Variants in CAMK4 observed in about 807,000 individuals in gnomAD.
CAMK4 encodes calcium/calmodulin dependent protein kinase IV.
In CAMK4, 22 loss-of-function variants were observed where a neutral mutation model predicts 44.9. That is an observed-to-expected ratio of 0.49 (90% CI 0.35 to 0.70). The LOEUF is 0.70. Among genes scored for constraint, CAMK4 ranks in the 30% least tolerant of loss-of-function variants. CAMK4 has a pLI of 0.01. For missense variants in CAMK4, 498 were observed against 586.8 expected (o/e 0.85, Z 1.56); for synonymous variants, 218 against 215.4 (o/e 1.01, Z -0.11).
At chr5:111,453,305 G>A (rs955025038) in intron 7 of CAMK4, among the ~76,000 whole-genome samples, 1 of 152,152 alleles carries the variant, frequency 6.6e-6, no homozygotes, top group Non-Finnish European at 1.5e-5. Flanking sequence ...AATATCTAGG[G>A]TTTTGAATTA....
chr5:111,423,601 T>A (rs1753108659), intron 5 of CAMK4, among the ~76,000 whole-genome samples: 1 of 152,266 alleles, frequency 6.6e-6, no homozygotes, highest in Non-Finnish European at 1.5e-5. Flanking sequence ...CAAGATTTAA[T>A]GGCTCTCGAT....
intron 7 of CAMK4, among the ~76,000 whole-genome samples, chr5:111,456,180 T>C (rs1754406031): frequency 6.6e-6 from 1 of 152,070 alleles, no homozygotes. Flanking sequence ...CACAGTTCTT[T>C]AGTTTAGAAA....
intron 1 of CAMK4, among the ~76,000 whole-genome samples, chr5:111,247,244 C>A (rs1295827978): frequency 2.0e-5 from 3 of 150,080 alleles, no homozygotes; most frequent in Admixed American, 2.0e-4. Flanking sequence ...AAATTACATA[C>A]ACACACATTG....
At chr5:111,309,956 A>G (rs1380089861) in intron 1 of CAMK4, among the ~76,000 whole-genome samples, 5 of 152,184 alleles carry the variant, frequency 3.3e-5, no homozygotes, top group South Asian at 2.1e-4. Flanking sequence ...ATGCTTCAGA[A>G]TAGATAAATA....
At chr5:111,435,540 A>G (rs552637342) in intron 5 of CAMK4, among the ~76,000 whole-genome samples, 122 of 152,144 alleles carry the variant, frequency 8.0e-4, no homozygotes, top group Non-Finnish European at 1.6e-3. Flanking sequence ...TCTCTGGACA[A>G]TGCAAACAGT....
chr5:111,242,769 C>G (rs1312427033), intron 1 of CAMK4, among the ~76,000 whole-genome samples: 2 of 152,188 alleles, frequency 1.3e-5, no homozygotes, highest in African/African-American at 2.4e-5. Flanking sequence ...CAGGATGTGT[C>G]ATGCTGTCCT....
In CAMK4 at chr5:111,387,766, C is replaced by G. The variant is rs11954737; in HGVS notation, c.387-6944C>G. On this transcript the variant is annotated intron_variant, in intron 4 of 10. Transcript: ENST00000282356. ...TTTGCAGCTAGGCTCTGTGGGTGAT[C>G]CAAGCAACAATCTAATGAGAAGGCT... is the stretch of plus-strand genomic sequence containing the variant. Among the ~76,000 whole-genome samples, 604 of 152,270 alleles carry G rather than the reference C, an allele frequency of 4.0e-3. 5 individuals carry two copies. Among genetic ancestry groups the G allele is most frequent in the African/African-American group, 0.013 (544 of 41,564 alleles).
chr5:111,469,293 T>G (rs908039066), intron 7 of CAMK4, among the ~76,000 whole-genome samples: 1 of 150,460 alleles, frequency 6.6e-6, no homozygotes, highest in African/African-American at 2.5e-5. Context: ...CAAAATAAGT[T>G]ATTTTAAAAA....
intron 5 of CAMK4, among the ~76,000 whole-genome samples, chr5:111,418,639 G>T (rs190051071): frequency 3.0e-4 from 38 of 126,948 alleles, no homozygotes; most frequent in Admixed American, 5.6e-4. Flanking sequence ...TCCCCTTCCT[G>T]TGTCCATGTG....
chr5:111,433,353 G>C lies in CAMK4; in HGVS notation c.460-13333G>C, dbSNP rs76018676. 9.0e-3 allele frequency among the ~76,000 whole-genome samples: 1,374 copies of C among 152,262 alleles called. 20 individuals are homozygous for C. Among genetic ancestry groups the C allele is most frequent in the African/African-American group, 0.032 (1,317 of 41,546 alleles). The stretch of plus-strand genomic sequence containing the variant: ...ATCTCAGCAGGGACTGCTGATTGGA[G>C]CACAAGCACTACACTTGATGAAACT... On this transcript the variant is annotated intron_variant, in intron 5 of 10. Transcript: ENST00000282356.
intron 9 of CAMK4, among the ~76,000 whole-genome samples, chr5:111,480,288 A>ACACACACACACACC (rs1364533152): frequency 1.9e-4 from 28 of 145,230 alleles, no homozygotes; most frequent in African/African-American, 5.9e-4. Context: ...ACACACACAC[A>ACACACACACACACC]CCCCTGGGTA....
intron 1 of CAMK4, among the ~76,000 whole-genome samples, chr5:111,301,923 AAG>A (rs1015412804): frequency 6.6e-6 from 1 of 150,994 alleles, no homozygotes; most frequent in Non-Finnish European, 1.5e-5. Context: ...TCATATGAGA[AAG>A]AGAGACATCT....
chr5:111,372,443 A>G (rs1418108514), intron 2 of CAMK4, among the ~76,000 whole-genome samples: 1 of 152,140 alleles, frequency 6.6e-6, no homozygotes, highest in Non-Finnish European at 1.5e-5. Flanking sequence ...GTTGAGAGAG[A>G]GCATCTCTCT....
chr5:111,325,227 T>A (rs1748831954), intron 1 of CAMK4, among the ~76,000 whole-genome samples: 1 of 152,048 alleles, frequency 6.6e-6, no homozygotes, highest in Non-Finnish European at 1.5e-5. Flanking sequence ...TATATATTTA[T>A]ATATATGCCA....
chr5:111,329,370 C>G (rs1224579174), intron 1 of CAMK4, among the ~76,000 whole-genome samples: 1 of 151,848 alleles, frequency 6.6e-6, no homozygotes, highest in Non-Finnish European at 1.5e-5. Context: ...GTTGGAAGTT[C>G]TGGCCAGGGC....
chr5:111,310,478 T>C (rs1036473528), intron 1 of CAMK4, among the ~76,000 whole-genome samples: 2 of 152,160 alleles, frequency 1.3e-5, no homozygotes, highest in Non-Finnish European at 2.9e-5. Flanking sequence ...AATCTGAATT[T>C]TACCCATTGG....
chr5:111,322,496 T>C (rs1421379744), intron 1 of CAMK4, among the ~76,000 whole-genome samples: 2 of 152,106 alleles, frequency 1.3e-5, no homozygotes, highest in African/African-American at 2.4e-5. Flanking sequence ...TTATCAGCAA[T>C]GTAACTGCCT....
At chr5:111,336,538 T>A (rs1241385339) in intron 1 of CAMK4, among the ~76,000 whole-genome samples, 1 of 151,148 alleles carries the variant, frequency 6.6e-6, no homozygotes, top group Non-Finnish European at 1.5e-5. Context: ...TTTAGCTTAC[T>A]CTTTCTTGCC....
intron 5 of CAMK4, among the ~76,000 whole-genome samples, chr5:111,413,230 A>G (rs1328967200): frequency 6.6e-6 from 1 of 152,228 alleles, no homozygotes. Flanking sequence ...AAATAAAAAT[A>G]GGATTTTAAA....
Sources: allele counts gnomAD v4.1 joint callset (sites outside exome capture counted in the v4.1 genomes callset), GRCh38; gene constraint gnomAD v4.1.1; transcripts MANE v1.5; gene names NCBI Gene and HGNC (gene_info 2026-07-23, HGNC 2026-07-21).